The following ACOX1 variants were observed in gnomAD, a reference collection of about 807,000 sequenced individuals.
The protein encoded by ACOX1 is peroxisomal acyl-coenzyme A oxidase 1.
A neutral mutation model predicts 75.5 loss-of-function variants in ACOX1; 41 were observed. The ratio of observed to expected loss-of-function variants is 0.54; its 90% CI spans 0.42 to 0.70. ACOX1 has a LOEUF of 0.70. ACOX1 is among the 30% of genes least tolerant of loss of function. The pLI, the probability that ACOX1 is intolerant of heterozygous loss-of-function variation, is 0.00. For synonymous variants in ACOX1, 303 were observed against 298.8 expected (o/e 1.01, Z -0.15); for missense variants, 630 against 837.5 (o/e 0.75, Z 3.06).
intron 2 of ACOX1, among the ~76,000 whole-genome samples, chr17:75,965,337 C>CAAAAAAAAAAAAAAAAAAAAAAA (rs11293371): frequency 4.8e-4 from 39 of 81,694 alleles, no homozygotes; most frequent in Non-Finnish European, 7.3e-4. Context: ...GACTCTGTCT[C>CAAAAAAAAAAAAAAAAAAAAAAA]AAAAAAAAAA....
Position 75,978,739 on chromosome 17 carries a change from C to T in ACOX1, c.110-46G>A, listed in dbSNP as rs759714071. 2 of 1,612,398 alleles carry T rather than the reference C, an allele frequency of 1.2e-6. No homozygotes were observed. Among genetic ancestry groups the T allele is most frequent in the Non-Finnish European group, 1.7e-6 (2 of 1,179,982 alleles). Reference sequence around the variant, plus strand: ...ATTAAAAGGCAGACAGACACTCGGGCCTCCGTTCCACCCTCCCTGAATCAC... The same window carrying T: ...ATTAAAAGGCAGACAGACACTCGGGTCTCCGTTCCACCCTCCCTGAATCAC... On this transcript the variant is annotated intron_variant, in intron 1 of 13. Transcript: ENST00000293217. The surrounding 1 kb of genome is among the most constrained non-coding windows in gnomAD (Gnocchi z 4.2).
chr17:75,958,466 A>T (rs2065854808), intron 3 of ACOX1, among the ~76,000 whole-genome samples: 1 of 147,900 alleles, frequency 6.8e-6, no homozygotes, highest in African/African-American at 2.5e-5. Flanking sequence ...CAGGAGATTG[A>T]GACCATCCTG....
rs1005285517 is a variant in ACOX1 at position 75,944,571 on chromosome 17, C to T, written c.*2177G>A. 4 of 152,118 alleles carry T rather than the reference C, an allele frequency of 2.6e-5. No individual in the cohort carries two copies. Among genetic ancestry groups the T allele is most frequent in the Non-Finnish European group, 5.9e-5 (4 of 68,036 alleles). 9.4% of individuals were successfully genotyped at this position (152,118 alleles called of 1,614,324 possible). A position where few individuals can be genotyped will look rare whatever the true frequency, so the allele number is the denominator to read the frequency against. The stretch of plus-strand genomic sequence containing the variant: ...TTAGTGTTCCCTAAATCTAATAAAC[C>T]TCTATTCTAAATTTCTTCATAATTT... On this transcript the variant is annotated 3_prime_UTR_variant, in exon 14 of 14. Coordinates refer to ENST00000293217, the MANE Select transcript of ACOX1 (RefSeq NM_004035.7).
At chr17:75,973,752 G>C in intron 2 of ACOX1, 1 of 1,614,096 alleles carries the variant, frequency 6.2e-7, no homozygotes, top group South Asian at 1.1e-5. Flanking sequence ...AGTAATTGAG[G>C]CCCACAGGTT....
chr17:75,975,893 AAAAG>A lies in ACOX1; in HGVS notation c.269+2637_269+2640del, dbSNP rs374683352. Among the ~76,000 whole-genome samples the A allele has an allele frequency of 3.7e-3, 567 of 152,120 alleles. 3 individuals are homozygous for A. The highest frequency in any genetic ancestry group is 0.013 in the African/African-American group (528 of 41,492). On this transcript the variant is annotated intron_variant, in intron 2 of 13. Transcript: ENST00000293217. ...AGAGAGAAAGAAAGAGAGAGAAAGA[AAAAG>A]AAAGAGGAAGAGAAAGAGAAAGAAA...
chr17:75,965,725 C>T (rs972139568), intron 2 of ACOX1, among the ~76,000 whole-genome samples: 4 of 152,012 alleles, frequency 2.6e-5, no homozygotes, highest in South Asian at 4.1e-4. Context: ...CTCAACTACT[C>T]GGGAGACTGA....
At chr17:75,975,489 T>C (rs1186236925) in intron 2 of ACOX1, among the ~76,000 whole-genome samples, 1 of 152,204 alleles carries the variant, frequency 6.6e-6, no homozygotes, top group Non-Finnish European at 1.5e-5. Context: ...ACATAAATCA[T>C]AATCCACTTA....
rs1452586437 is a variant in ACOX1, at chr17:75,957,484, G to A, written c.513C>T (p.Thr171=). 1.2e-6 allele frequency: 2 copies of A among 1,614,060 alleles called. No individual in the cohort carries two copies. Among genetic ancestry groups the A allele is most frequent in the South Asian group, 1.1e-5 (1 of 91,084 alleles). Residue 171 remains threonine (T), a synonymous_variant, in exon 4 of 14, where the codon ACC becomes ACT. Transcript: ENST00000293217. ...GCCCACCAGGCCACCATTTAATGGA[G>A]GTCACAGTAGGACTGTTGAGAATGA... ...QEFILNSPTV[T]SIKWWPGGLG... is the part of the protein sequence containing the mutation.
At chr17:75,975,600 C>T (rs2066040861) in intron 2 of ACOX1, among the ~76,000 whole-genome samples, 1 of 152,202 alleles carries the variant, frequency 6.6e-6, no homozygotes, top group Admixed American at 6.5e-5. Context: ...GAGGGAACGA[C>T]TTCTGCGTCC....
chr17:75,950,834 T>C lies in ACOX1; in HGVS notation c.1238A>G (p.Asn413Ser), dbSNP rs190909019. Reference sequence around the variant, plus strand: ...CTCAAAGGTACAGCTTGGGGTGAAATTGACATAAATATTTGGAAGACCACT... The same window carrying C: ...CTCAAAGGTACAGCTTGGGGTGAAACTGACATAAATATTTGGAAGACCACT... ...HCSGLPNIYV[N>S]FTPSCTFEGE... The change falls in exon 9 of 14, where the codon AAT (asparagine) becomes AGT (serine). Residue 413 changes from asparagine to serine, a missense_variant. Transcript: ENST00000293217. This position sits in a 1 kb window ranked among gnomAD's most constrained non-coding sequence, Gnocchi z 4.3. 1.5e-5 allele frequency: 24 copies of C among 1,613,908 alleles called. No homozygotes were observed. The highest frequency in any genetic ancestry group is 1.6e-4 in the Middle Eastern group (1 of 6,062).
Position 75,941,658 on chromosome 17 carries a change from G to A in ACOX1, c.*5090C>T, listed in dbSNP as rs2065671425. On this transcript the variant is annotated 3_prime_UTR_variant, in exon 14 of 14. Transcript: ENST00000293217. ...CACATGCTCTGGCCCCGTGCCCCTC[G>A]TCCTCCCACCCCTACCCCACAGGAC... 6.6e-6 allele frequency: 1 copy of A among 151,972 alleles called. No individual in the cohort carries two copies. The highest frequency in any genetic ancestry group is 2.4e-5 in the African/African-American group (1 of 41,300). The allele number at this position is 151,972 out of a possible 1,614,324, so 9.4% of individuals were successfully genotyped here.
At chr17:75,969,651 A>C (rs928553605) in intron 2 of ACOX1, among the ~76,000 whole-genome samples, 1 of 152,158 alleles carries the variant, frequency 6.6e-6, no homozygotes, top group Non-Finnish European at 1.5e-5. Flanking sequence ...GATGACTTAA[A>C]AATCAAGTTT....
intron 2 of ACOX1, among the ~76,000 whole-genome samples, chr17:75,973,138 G>C (rs1024908003): frequency 6.6e-6 from 1 of 152,226 alleles, no homozygotes; most frequent in Non-Finnish European, 1.5e-5. Flanking sequence ...ACTGAAGTCA[G>C]ATGAAGAGAA....
chr17:75,973,504 G>T (rs2066015970), intron 2 of ACOX1: 2 of 1,081,742 alleles, frequency 1.8e-6, no homozygotes, highest in Non-Finnish European at 2.8e-6. Context: ...GTTGAATTTT[G>T]ACTTAACAAC....
intron 3 of ACOX1, among the ~76,000 whole-genome samples, chr17:75,958,318 A>G (rs2065852400): frequency 6.8e-6 from 1 of 146,768 alleles, no homozygotes; most frequent in Admixed American, 6.9e-5. Context: ...GTGCCACCGC[A>G]CTCCAGCCTG....
intron 4 of ACOX1, 94 bp downstream of exon 4, chr17:75,957,365 G>A: frequency 8.6e-7 from 1 of 1,165,036 alleles, no homozygotes; most frequent in Non-Finnish European, 1.3e-6. Flanking sequence ...TCACCACCAA[G>A]TCTGGCCGAC....
At chr17:75,956,687 C>CAAA (rs60686701) in intron 4 of ACOX1, among the ~76,000 whole-genome samples, 5 of 103,962 alleles carry the variant, frequency 4.8e-5, no homozygotes, top group African/African-American at 1.7e-4. Context: ...GACTCCATCT[C>CAAA]AAAAAAAAAA....
At chr17:75,970,931 G>A (rs769513537) in intron 2 of ACOX1, among the ~76,000 whole-genome samples, 8 of 152,226 alleles carry the variant, frequency 5.3e-5, no homozygotes, top group Non-Finnish European at 1.0e-4. Context: ...CAAGAAAAAA[G>A]ACTAATCTTA....
intron 2 of ACOX1, among the ~76,000 whole-genome samples, chr17:75,963,472 T>A (rs1169606240): frequency 6.6e-6 from 1 of 151,978 alleles, no homozygotes; most frequent in Non-Finnish European, 1.5e-5. Flanking sequence ...GAGGCCAAGG[T>A]GGGCGGATCA....
Sources: allele counts gnomAD v4.1 joint callset (sites outside exome capture counted in the v4.1 genomes callset), GRCh38; gene constraint gnomAD v4.1.1; non-coding constraint Gnocchi (gnomAD v3.1); transcripts MANE v1.5; gene names NCBI Gene and HGNC (gene_info 2026-07-23, HGNC 2026-07-21).